TRPC5: variants seen among roughly 807,000 people sequenced by gnomAD.
TRPC5 encodes the protein short transient receptor potential channel 5.
TRPC5 carries 9 observed loss-of-function variants against 56.5 expected under a neutral mutation model. That is an observed-to-expected ratio of 0.16 (90% CI 0.10 to 0.28). The LOEUF (loss-of-function observed/expected upper bound fraction) is 0.28. Among genes scored for constraint, TRPC5 ranks in the 10% least tolerant of loss-of-function variants. The pLI, the probability that TRPC5 is intolerant of heterozygous loss-of-function variation, is 1.00. For missense variants in TRPC5, 469 were observed against 748.9 expected, an observed-to-expected ratio of 0.63 and a Z score of 4.36; for synonymous variants, 282 against 278.5, an observed-to-expected ratio of 1.01 and a Z score of -0.13.
intron 2 of TRPC5, among the ~76,000 whole-genome samples, chrX:111,920,896 T>C (rs930146112): frequency 2.7e-5 from 3 of 111,681 alleles, no homozygotes; most frequent in Non-Finnish European, 5.6e-5. Context: ...TTAAGAAAAA[T>C]TGTGAAAGAC....
intron 1 of TRPC5, among the ~76,000 whole-genome samples, chrX:111,979,869 T>A (rs1009935876): frequency 9.0e-6 from 1 of 111,683 alleles, no homozygotes; most frequent in Non-Finnish European, 1.9e-5. Context: ...CATATACTGC[T>A]AGAGGGAATG....
intron 2 of TRPC5, among the ~76,000 whole-genome samples, chrX:111,914,888 G>A (rs772341775): frequency 3.6e-5 from 4 of 111,657 alleles, no homozygotes; most frequent in Non-Finnish European, 7.5e-5. Context: ...GAAGAAGCGA[G>A]CTCAGATGAG....
chrX:112,063,025 G>A (rs867756960), intron 1 of TRPC5, among the ~76,000 whole-genome samples: 27 of 111,865 alleles, frequency 2.4e-4, no homozygotes, highest in African/African-American at 6.8e-4. Flanking sequence ...GCAAAGGAGC[G>A]GTGGAAGGTA....
At chrX:111,815,460 C>T (rs986144141) in intron 7 of TRPC5, among the ~76,000 whole-genome samples, 2 of 111,194 alleles carry the variant, frequency 1.8e-5, no homozygotes, top group Non-Finnish European at 3.8e-5. Context: ...CCAGCACGGT[C>T]GCCCATACCT....
chrX:111,881,302 G>A (rs892860298), intron 3 of TRPC5, among the ~76,000 whole-genome samples: 15 of 109,989 alleles, frequency 1.4e-4, no homozygotes, highest in African/African-American at 3.0e-4. Context: ...TCAGCTTCCC[G>A]AGTAGCTGGG....
At chrX:111,871,950 G>A (rs1027211791) in intron 3 of TRPC5, among the ~76,000 whole-genome samples, 2 of 111,513 alleles carry the variant, frequency 1.8e-5, no homozygotes, top group Non-Finnish European at 3.8e-5. Flanking sequence ...ATTAGTTCTC[G>A]CAGGGATGGA....
chrX:111,867,476 G>A (rs1456875492), intron 3 of TRPC5, among the ~76,000 whole-genome samples: 1 of 100,688 alleles, frequency 9.9e-6, no homozygotes, highest in Non-Finnish European at 1.9e-5. Flanking sequence ...GATTGCTTCA[G>A]CCAGAGGTGT....
chrX:111,888,446 G>A (rs375708559), intron 3 of TRPC5, among the ~76,000 whole-genome samples: 3 of 105,106 alleles, frequency 2.9e-5, no homozygotes, highest in Non-Finnish European at 3.9e-5. Flanking sequence ...AGGCCGAGGC[G>A]GGCGGATCAC....
chrX:111,804,706 T>C (rs965933214), intron 7 of TRPC5, among the ~76,000 whole-genome samples: 2 of 112,054 alleles, frequency 1.8e-5, no homozygotes, highest in African/African-American at 6.5e-5. Context: ...TGATTTTGTA[T>C]TCTGAGACTT....
At chrX:111,922,862 T>G (rs1420671243) in intron 2 of TRPC5, among the ~76,000 whole-genome samples, 1 of 112,056 alleles carries the variant, frequency 8.9e-6, no homozygotes, top group Admixed American at 9.5e-5. Context: ...ATAGCCAGGA[T>G]TAGCCTAAGC....
At chrX:111,824,704 TC>T (rs756579009) in intron 7 of TRPC5, among the ~76,000 whole-genome samples, 1 of 111,533 alleles carries the variant, frequency 9.0e-6, no homozygotes, top group East Asian at 2.8e-4. Context: ...GTATGATTTT[TC>T]TAAAGGTAGG....
intron 1 of TRPC5, among the ~76,000 whole-genome samples, chrX:112,034,500 T>C (rs2147721599): frequency 9.0e-6 from 1 of 110,872 alleles, no homozygotes; most frequent in South Asian, 3.8e-4. Context: ...TCTGAAACTT[T>C]GATGCATTTG....
chrX:111,778,266 G>A (rs1290925276), intron 10 of TRPC5, among the ~76,000 whole-genome samples: 1 of 110,985 alleles, frequency 9.0e-6, no homozygotes, highest in Non-Finnish European at 1.9e-5. Context: ...TGCATGTTCT[G>A]CACATGTATC....
In TRPC5 at chrX:111,771,900, GAA is replaced by G; in HGVS notation, c.*4411_*4412del. Among the ~76,000 whole-genome samples the G allele has an allele frequency of 9.1e-6, 1 of 110,355 alleles. No individual in the cohort carries two copies. Among genetic ancestry groups the G allele is most frequent in the Middle Eastern group, 4.7e-3 (1 of 215 alleles). ...CTCACAGCTCAGGAAATGTCTCATTGAAAAGTTATTCTTGCTTCCCTCTCTTC... is the reference window on the plus strand; with the variant it reads ...CTCACAGCTCAGGAAATGTCTCATTGAAGTTATTCTTGCTTCCCTCTCTTC... On this transcript the variant is annotated 3_prime_UTR_variant, in exon 11 of 11. Transcript: ENST00000262839.
intron 3 of TRPC5, among the ~76,000 whole-genome samples, chrX:111,909,351 TAAA>T (rs1569527964): frequency 2.4e-4 from 25 of 105,960 alleles, no homozygotes; most frequent in Non-Finnish European, 3.9e-4. Flanking sequence ...AATAAATAAA[TAAA>T]TAAATTAATT....
intron 2 of TRPC5, among the ~76,000 whole-genome samples, chrX:111,922,843 T>C (rs1169022795): frequency 8.9e-6 from 1 of 111,843 alleles, no homozygotes; most frequent in Non-Finnish European, 1.9e-5. Context: ...CAATTATATA[T>C]ATAAAACAAT....
chrX:111,954,465 C>T (rs1454538486), intron 1 of TRPC5, among the ~76,000 whole-genome samples: 3 of 111,296 alleles, frequency 2.7e-5, no homozygotes, highest in African/African-American at 9.8e-5. Flanking sequence ...CAGGCACTGC[C>T]GAGTGCAACA....
At chrX:111,863,123 A>C (rs1923451463) in intron 3 of TRPC5, among the ~76,000 whole-genome samples, 2 of 111,820 alleles carry the variant, frequency 1.8e-5, no homozygotes, top group Non-Finnish European at 3.8e-5. Context: ...TCTACTAGGC[A>C]ATAGCAGAAC....
intron 5 of TRPC5, among the ~76,000 whole-genome samples, chrX:111,850,973 T>C (rs1384443339): frequency 4.5e-5 from 5 of 112,289 alleles, no homozygotes; most frequent in Non-Finnish European, 7.5e-5. Flanking sequence ...TTTACAGTGT[T>C]ACTTAGTCAG....
Sources: gnomAD v4.1 joint callset for allele counts (sites outside exome capture counted in the v4.1 genomes callset) on GRCh38, gnomAD v4.1.1 for gene constraint, MANE v1.5 for transcripts, NCBI Gene and HGNC (gene_info 2026-07-23, HGNC 2026-07-21) for gene names.